The following CTNNA2 variants were observed in gnomAD, a reference collection of about 807,000 sequenced individuals.
CTNNA2 encodes catenin alpha 2, also known as catenin alpha-2.
Under a neutral mutation model 101.0 loss-of-function variants are expected in CTNNA2, and 42 were observed. The ratio of observed to expected loss-of-function variants is 0.42; its 90% CI spans 0.32 to 0.54. CTNNA2 has a LOEUF of 0.54. Among genes scored for constraint, CTNNA2 ranks in the 20% least tolerant of loss-of-function variants. CTNNA2 has a pLI of 0.14. For missense variants in CTNNA2, 871 were observed against 1,223.1 expected (o/e 0.71, Z 4.29); for synonymous variants, 450 against 456.4 (o/e 0.99, Z 0.18).
At chr2:80,029,194 A>G (rs1329054427) in intron 7 of CTNNA2, among the ~76,000 whole-genome samples, 2 of 152,106 alleles carry the variant, frequency 1.3e-5, no homozygotes, top group African/African-American at 2.4e-5. Context: ...AGCATTTACT[A>G]TGTGTTTGCA....
intron 15 of CTNNA2, among the ~76,000 whole-genome samples, chr2:80,596,632 A>G (rs988367358): frequency 1.3e-5 from 2 of 151,914 alleles, no homozygotes; most frequent in Non-Finnish European, 2.9e-5. Context: ...TTTTCTAAGT[A>G]CACAATCATG....
chr2:80,001,365 T>G (rs139756768), intron 7 of CTNNA2, among the ~76,000 whole-genome samples: 31 of 152,338 alleles, frequency 2.0e-4, no homozygotes, highest in African/African-American at 7.5e-4. Flanking sequence ...ATTCTATTAT[T>G]TTCTTTTGAA....
chr2:80,271,278 A>C, intron 7 of CTNNA2, among the ~76,000 whole-genome samples: 1 of 152,300 alleles, frequency 6.6e-6, no homozygotes, highest in Admixed American at 6.5e-5. Flanking sequence ...AGGTTGGGGT[A>C]TGTATGTGTA....
Position 80,153,196 on chromosome 2 carries a change from C to G in CTNNA2, c.1057-240015C>G, listed in dbSNP as rs185684742. Reference sequence around the variant, plus strand: ...TGCTTCAGTGTCCATGCTAAGGGTGCTCATACCCAAGGCTGCAGGTGCCAT... The same window carrying G: ...TGCTTCAGTGTCCATGCTAAGGGTGGTCATACCCAAGGCTGCAGGTGCCAT... On this transcript the variant is annotated intron_variant, in intron 7 of 18. Transcript: ENST00000402739. 4.6e-5 allele frequency among the ~76,000 whole-genome samples: 7 copies of G among 152,290 alleles called. No homozygotes were observed. The East Asian group carries it at 1.4e-3, about 30-fold the overall frequency.
chr2:80,559,530 A>G (rs568550768), intron 12 of CTNNA2, among the ~76,000 whole-genome samples: 1 of 152,310 alleles, frequency 6.6e-6, no homozygotes, highest in East Asian at 1.9e-4. Context: ...TTTGCTTAAG[A>G]GTGCTTCTTG....
chr2:79,922,098 G>C (rs983933655), intron 7 of CTNNA2, among the ~76,000 whole-genome samples: 1 of 152,122 alleles, frequency 6.6e-6, no homozygotes, highest in Admixed American at 6.6e-5. Context: ...TCAGAGACAG[G>C]TATCATACAT....
At chr2:79,450,069 G>A (rs1678874015) in intron 4 of CTNNA2, among the ~76,000 whole-genome samples, 1 of 151,894 alleles carries the variant, frequency 6.6e-6, no homozygotes, top group East Asian at 1.9e-4. Flanking sequence ...ACAATTATTA[G>A]TGTGACACTC....
At chr2:79,199,240 G>A (rs892660061) in intron 2 of CTNNA2, among the ~76,000 whole-genome samples, 3 of 152,144 alleles carry the variant, frequency 2.0e-5, no homozygotes, top group African/African-American at 7.2e-5. Context: ...TTAACTGTGT[G>A]CTCTGTGTTC....
chr2:79,410,453 C>G (rs1678396427), intron 4 of CTNNA2, among the ~76,000 whole-genome samples: 1 of 151,874 alleles, frequency 6.6e-6, no homozygotes, highest in Non-Finnish European at 1.5e-5. Context: ...ATAGATAGCT[C>G]TTTTTATTTT....
chr2:80,483,636 A>G (rs1006820602), intron 9 of CTNNA2, among the ~76,000 whole-genome samples: 1 of 152,142 alleles, frequency 6.6e-6, no homozygotes, highest in Non-Finnish European at 1.5e-5. Flanking sequence ...TTGAATTTAC[A>G]AATAAGTCCA....
chr2:79,687,479 A>C (rs1300333109), intron 2 of CTNNA2: 3 of 523,772 alleles, frequency 5.7e-6, no homozygotes, highest in Non-Finnish European at 1.0e-5. Context: ...AATTTTGATT[A>C]GCTTTCATTT....
intron 7 of CTNNA2, among the ~76,000 whole-genome samples, chr2:80,005,606 A>C (rs1261175408): frequency 1.3e-5 from 2 of 152,156 alleles, no homozygotes; most frequent in Non-Finnish European, 2.9e-5. Flanking sequence ...TTGGAAAGAA[A>C]ATCCTAGAAA....
At chr2:80,128,209 A>G (rs1702239069) in intron 7 of CTNNA2, among the ~76,000 whole-genome samples, 1 of 152,236 alleles carries the variant, frequency 6.6e-6, no homozygotes, top group South Asian at 2.1e-4. Context: ...TGCAAAGGCC[A>G]GAGCCAGTCA....
intron 7 of CTNNA2, among the ~76,000 whole-genome samples, chr2:80,101,745 G>T (rs1043426178): frequency 6.6e-6 from 1 of 152,164 alleles, no homozygotes; most frequent in Non-Finnish European, 1.5e-5. Flanking sequence ...TGTGATCAGT[G>T]TGTATTTAAG....
intron 12 of CTNNA2, among the ~76,000 whole-genome samples, chr2:80,562,904 CA>C (rs1373512704): frequency 6.6e-6 from 1 of 151,740 alleles, no homozygotes; most frequent in East Asian, 1.9e-4. Flanking sequence ...TTTATTCTAA[CA>C]ATAAAACCCT....
intron 7 of CTNNA2, among the ~76,000 whole-genome samples, chr2:80,129,046 T>C (rs1702278750): frequency 6.6e-6 from 1 of 152,220 alleles, no homozygotes; most frequent in Non-Finnish European, 1.5e-5. Flanking sequence ...GTATTGTCAG[T>C]TCATGCCAAG....
Position 79,328,270 on chromosome 2 carries a change from A to T in CTNNA2, c.-318+15474A>T, listed in dbSNP as rs533919566. On this transcript the variant is annotated intron_variant, in intron 3 of 21. Transcript: ENST00000466387. ...GATCTCAGAGAAGGGAAGGAGAGGA[A>T]GCATGTTTTCAAGGAGCAAAAGAGA... 3.9e-5 allele frequency among the ~76,000 whole-genome samples: 6 copies of T among 152,276 alleles called. No individual in the cohort carries two copies. In the South Asian group the frequency reaches 1.2e-3, roughly 32 times the overall value.
At chr2:79,473,015 C>A (rs565331934) in intron 4 of CTNNA2, among the ~76,000 whole-genome samples, 1 of 152,238 alleles carries the variant, frequency 6.6e-6, no homozygotes, top group Admixed American at 6.5e-5. Context: ...CTCTAGCTTC[C>A]AATAATAATG....
chr2:80,000,116 G>C (rs997553236), intron 7 of CTNNA2, among the ~76,000 whole-genome samples: 1 of 152,116 alleles, frequency 6.6e-6, no homozygotes, highest in African/African-American at 2.4e-5. Context: ...GATGTGGAGA[G>C]CAAAGTTAAA....
Sources: allele counts gnomAD v4.1 joint callset (sites outside exome capture counted in the v4.1 genomes callset), GRCh38; gene constraint gnomAD v4.1.1; transcripts MANE v1.5; gene names NCBI Gene and HGNC (gene_info 2026-07-23, HGNC 2026-07-21).